STN1: variants seen among roughly 807,000 people sequenced by gnomAD.
STN1 encodes the protein STN1 subunit of CST complex.
Under a neutral mutation model 45.5 loss-of-function variants are expected in STN1, and 29 were observed. The ratio of observed to expected loss-of-function variants is 0.64; its 90% CI spans 0.47 to 0.87. STN1 has a LOEUF of 0.87. Ranked by LOEUF, STN1 falls within the 40% of genes least tolerant of loss-of-function variation. STN1 has a pLI of 0.00. For missense variants in STN1, 376 were observed against 441.4 expected, an observed-to-expected ratio of 0.85 and a Z score of 1.33; for synonymous variants, 148 against 159.0, an observed-to-expected ratio of 0.93 and a Z score of 0.52.
chr10:103,915,813 G>A (rs917086660), intron 2 of STN1, among the ~76,000 whole-genome samples: 1 of 152,056 alleles, frequency 6.6e-6, no homozygotes, highest in Non-Finnish European at 1.5e-5. Flanking sequence ...CCGGGGATGG[G>A]GGTTGGGGGA....
intron 4 of STN1, 86 bp from the exon 5 acceptor site, chr10:103,900,309 C>G: frequency 7.7e-7 from 1 of 1,291,508 alleles, no homozygotes; most frequent in Non-Finnish European, 1.1e-6. Context: ...TAGGGTAAGA[C>G]CAACACAATA....
intron 4 of STN1, among the ~76,000 whole-genome samples, chr10:103,902,047 C>G (rs1314708397): frequency 1.3e-5 from 2 of 152,108 alleles, no homozygotes; most frequent in African/African-American, 4.8e-5. Flanking sequence ...TATAGAGAAA[C>G]CCTTCATCAA....
intron 7 of STN1, 136 bp downstream of exon 7, chr10:103,897,412 A>G (rs975878251): frequency 2.6e-6 from 2 of 763,958 alleles, no homozygotes; most frequent in African/African-American, 3.5e-5. Context: ...AATAGAAATA[A>G]TGTGTGACAG....
rs370987366 is a variant in STN1, at chr10:103,900,695, GTCTCTC to G, written c.296-478_296-473del. Among the ~76,000 whole-genome samples the G allele has an allele frequency of 2.0e-5, 3 of 148,888 alleles. No homozygotes were observed. In the East Asian group the frequency reaches 5.9e-4, roughly 29 times the overall value. On this transcript the variant is annotated intron_variant, in intron 4 of 9. Coordinates refer to ENST00000224950, the MANE Select transcript of STN1 (RefSeq NM_024928.5). ...GTTGGGAAACTAGGCTAATCTCTCT[GTCTCTC>G]TCTCTCTCTCTCACACACACACACA...
At chr10:103,892,771 C>T (rs1436749029) in intron 7 of STN1, among the ~76,000 whole-genome samples, 1 of 152,168 alleles carries the variant, frequency 6.6e-6, no homozygotes, top group East Asian at 1.9e-4. Flanking sequence ...GTCCACAAGG[C>T]TGAAGGTAGA....
Position 103,897,607 on chromosome 10 carries a change from C to T in STN1, c.694G>A (p.Val232Met), listed in dbSNP as rs1843179238. The change falls in exon 7 of 10, where the codon GTG (valine) becomes ATG (methionine). Residue 232 changes from valine to methionine, a missense_variant. Physicochemically the swap from Val to Met is conservative, Grantham distance 21. Transcript: ENST00000224950. ...TTGGCAAGGGACAGCAAAGACTCCA[C>T]CATTTCCAGCTCCTGCTGGTAAAAG... ...QSFYQQELEM[V>M]ESLLSLANQP... 1 of 1,614,138 alleles carries T rather than the reference C, an allele frequency of 6.2e-7. No homozygotes were observed.
In STN1 at chr10:103,918,176, G is replaced by C. The variant is rs1314406421; in HGVS notation, c.-139C>G. On this transcript the variant is annotated 5_prime_UTR_variant, in exon 1 of 10. Coordinates refer to ENST00000224950, the MANE Select transcript of STN1 (RefSeq NM_024928.5). ...TCCGGCGCTCGGAGCCGCTGGCGGC[G>C]ACGACCCCGCCCGGCGCAGGAGCAG... is the stretch of plus-strand genomic sequence containing the variant. 1.3e-5 allele frequency: 2 copies of C among 152,442 alleles called. No homozygotes were observed. The highest frequency in any genetic ancestry group is 6.5e-5 in the Admixed American group (1 of 15,286). The allele number at this position is 152,442 out of a possible 1,614,324, so 9.4% of individuals were successfully genotyped here.
At chr10:103,897,804 G>A in intron 6 of STN1, 85 bp from the exon 7 acceptor site, 1 of 1,358,520 alleles carries the variant, frequency 7.4e-7, no homozygotes, top group South Asian at 1.3e-5. Flanking sequence ...AAATTAGCTA[G>A]AAAATGCAAC....
chr10:103,906,041 C>T (rs551681835), intron 3 of STN1, among the ~76,000 whole-genome samples: 49 of 152,258 alleles, frequency 3.2e-4, no homozygotes, highest in African/African-American at 1.1e-3. Flanking sequence ...TAAAAGCACA[C>T]ACAATCCTGA....
intron 8 of STN1, among the ~76,000 whole-genome samples, 197 bp downstream of exon 8, chr10:103,891,933 A>G (rs1843142101): frequency 6.6e-6 from 1 of 152,228 alleles, no homozygotes; most frequent in Admixed American, 6.5e-5. Flanking sequence ...GACCCATGCA[A>G]TTCAAACTTG....
In STN1 at chr10:103,877,769, A is replaced by G. The variant is rs1285225248; in HGVS notation, c.*4915T>C. ...AACCACTGCAGAGTTCTTTGTCCAC[A>G]GACACCATCTCCCTTCAGGATGGTC... is the stretch of plus-strand genomic sequence containing the variant. On this transcript the variant is annotated 3_prime_UTR_variant, in exon 10 of 10. Coordinates refer to ENST00000224950, the MANE Select transcript of STN1 (RefSeq NM_024928.5). 6.6e-6 allele frequency: 1 copy of G among 152,262 alleles called. No individual in the cohort carries two copies. The highest frequency in any genetic ancestry group is 2.4e-5 in the African/African-American group (1 of 41,468). The allele number at this position is 152,262 out of a possible 1,614,324, so 9.4% of individuals were successfully genotyped here. A position where few individuals can be genotyped will look rare whatever the true frequency, so the allele number is the denominator to read the frequency against.
intron 2 of STN1, among the ~76,000 whole-genome samples, chr10:103,914,374 A>ATATATT (rs1554837551): frequency 6.0e-4 from 58 of 97,360 alleles, no homozygotes; most frequent in African/African-American, 2.4e-3. Flanking sequence ...ATATATATAT[A>ATATATT]TTTTTTTTTT....
Position 103,877,995 on chromosome 10 carries a change from G to A in STN1, c.*4689C>T, listed in dbSNP as rs1261297889. 6.6e-6 allele frequency: 1 copy of A among 152,204 alleles called. No individual in the cohort carries two copies. The highest frequency in any genetic ancestry group is 1.5e-5 in the Non-Finnish European group (1 of 68,036). The allele number at this position is 152,204 out of a possible 1,614,324, so 9.4% of individuals were successfully genotyped here. A position where few individuals can be genotyped will look rare whatever the true frequency, so the allele number is the denominator to read the frequency against. ...CAAGTTTACTTGGTTTCAGTCCTTG[G>A]CACTAAGTCTTAGGTTCCTTGTCAC... On this transcript the variant is annotated 3_prime_UTR_variant, in exon 10 of 10. Coordinates refer to ENST00000224950, the MANE Select transcript of STN1 (RefSeq NM_024928.5).
chr10:103,892,985 G>A (rs1005634952), intron 7 of STN1, among the ~76,000 whole-genome samples: 1 of 152,196 alleles, frequency 6.6e-6, no homozygotes, highest in Non-Finnish European at 1.5e-5. Context: ...TGCTTCTTGA[G>A]TCAGGGACTT....
chr10:103,910,671 T>C, intron 2 of STN1, 49 bp from the exon 3 acceptor site: 2 of 1,060,798 alleles, frequency 1.9e-6, no homozygotes, highest in Non-Finnish European at 2.9e-6. Context: ...TTACATTTTC[T>C]GCTTCAATAA....
intron 2 of STN1, among the ~76,000 whole-genome samples, chr10:103,914,489 C>A (rs953251455): frequency 6.7e-6 from 1 of 150,264 alleles, no homozygotes; most frequent in Non-Finnish European, 1.5e-5. Flanking sequence ...ATTCTCCCAC[C>A]TCAGCCTCCT....
rs1210317967 is a variant in STN1, at chr10:103,880,055, G to A, written c.*2629C>T. Among the ~76,000 whole-genome samples the A allele has an allele frequency of 5.3e-5, 8 of 152,316 alleles. No homozygotes were observed. In the East Asian group the frequency reaches 9.7e-4, roughly 18 times the overall value. On this transcript the variant is annotated 3_prime_UTR_variant, in exon 10 of 10. Coordinates refer to ENST00000224950, the MANE Select transcript of STN1 (RefSeq NM_024928.5). ...AGGAGACGGCCCGCCCACTTCACCC[G>A]CCTGGGCCAAGTATGGCTTCCACAC...
chr10:103,914,357 TATATATA>T lies in STN1; in HGVS notation c.133+3098_133+3104del, dbSNP rs1843311984. Among the ~76,000 whole-genome samples the T allele has an allele frequency of 2.9e-4, 22 of 76,356 alleles. 4 individuals carry two copies. The highest frequency in any genetic ancestry group is 8.4e-4 in the South Asian group (2 of 2,376). The allele number at this position is 76,356 out of a possible 152,430, so 50.1% of individuals were successfully genotyped here. ...ATACATATATATATATATATATATA[TATATATA>T]TATATATATATTTTTTTTTTTTTTT... On this transcript the variant is annotated intron_variant, in intron 2 of 9. Transcript: ENST00000224950.
At chr10:103,883,263 TGCTTCCCCCTAAGTCCTGATTTGATGCG>T (rs1843082643) in intron 9 of STN1, among the ~76,000 whole-genome samples, 1 of 152,184 alleles carries the variant, frequency 6.6e-6, no homozygotes, top group Non-Finnish European at 1.5e-5. Context: ...AGCCTCCGTA[TGCTTCCCCCTAAGTCCTGATTTGATGCG>T]GCTGCCTGGT....
Sources: allele counts gnomAD v4.1 joint callset (sites outside exome capture counted in the v4.1 genomes callset), GRCh38; gene constraint gnomAD v4.1.1; transcripts MANE v1.5; gene names NCBI Gene and HGNC (gene_info 2026-07-23, HGNC 2026-07-21).